TASOR: variants seen among roughly 807,000 people sequenced by gnomAD.
The protein encoded by TASOR is transcription activation suppressor.
A neutral mutation model predicts 178.6 loss-of-function variants in TASOR; 53 were observed. The observed-to-expected ratio is 0.30, with a 90% CI of 0.24 to 0.37. TASOR has a LOEUF of 0.37. TASOR is among the 10% of genes least tolerant of loss of function. The pLI is 1.00. For synonymous variants in TASOR, 713 were observed against 696.2 expected, an observed-to-expected ratio of 1.02 and a Z score of -0.38; for missense variants, 1,815 against 1,971.4, an observed-to-expected ratio of 0.92 and a Z score of 1.50.
At chr3:56,664,395 A>G (rs1437709052) in intron 7 of TASOR, 6 of 152,164 alleles carry the variant, frequency 3.9e-5, no homozygotes, top group African/African-American at 1.4e-4. Flanking sequence ...ACTTATGAAA[A>G]CACTGTAGTG....
intron 17 of TASOR, among the ~76,000 whole-genome samples, chr3:56,635,450 C>A (rs1043132140): frequency 1.3e-5 from 2 of 151,756 alleles, no homozygotes; most frequent in South Asian, 2.1e-4. Context: ...GAAGGATACA[C>A]GAGAAATTGG....
At position 56,645,762 on chromosome 3, in the gene TASOR, A is replaced by G. The variant is rs990025140; in HGVS notation, c.2215+760T>C. ...GGGGTAGAAAAGAGTATGTGTATGC[A>G]TATTTTATTTTCAAATTCAGAAGGT... On this transcript the variant is annotated intron_variant, in intron 14 of 23. Coordinates refer to ENST00000683822, the MANE Select transcript of TASOR (RefSeq NM_001365635.2). 3.3e-5 allele frequency among the ~76,000 whole-genome samples: 5 copies of G among 152,360 alleles called. 1 individual carries two copies. Among genetic ancestry groups the G allele is most frequent in the African/African-American group, 1.2e-4 (5 of 41,580 alleles).
intron 19 of TASOR, among the ~76,000 whole-genome samples, chr3:56,628,286 CTGAG>C (rs2076839842): frequency 6.6e-6 from 1 of 152,196 alleles, no homozygotes; most frequent in Non-Finnish European, 1.5e-5. Flanking sequence ...TCTTGACTAC[CTGAG>C]TGACAGGGAA....
At chr3:56,678,574 C>T (rs2031526748) in intron 1 of TASOR, among the ~76,000 whole-genome samples, 1 of 152,106 alleles carries the variant, frequency 6.6e-6, no homozygotes, top group African/African-American at 2.4e-5. Context: ...ATCAAAAGAA[C>T]ATCTTCATCA....
chr3:56,671,108 A>G (rs2030682700), intron 3 of TASOR, among the ~76,000 whole-genome samples: 1 of 151,788 alleles, frequency 6.6e-6, no homozygotes, highest in South Asian at 2.1e-4. Context: ...TGGGAGGCCG[A>G]GGTGGGTGGA....
At chr3:56,627,342 A>G (rs2076821433) in intron 20 of TASOR, among the ~76,000 whole-genome samples, 197 bp from the exon 21 acceptor site, 1 of 152,238 alleles carries the variant, frequency 6.6e-6, no homozygotes, top group South Asian at 2.1e-4. Context: ...AAAAAAGAAC[A>G]TGTTGATGAC....
At chr3:56,667,193 A>G (rs1296151765) in intron 6 of TASOR, among the ~76,000 whole-genome samples, 1 of 152,208 alleles carries the variant, frequency 6.6e-6, no homozygotes, top group Non-Finnish European at 1.5e-5. Context: ...TCAGTCCCAA[A>G]TGACTTTGGT....
chr3:56,667,975 G>A (rs2030239966), intron 6 of TASOR, among the ~76,000 whole-genome samples: 1 of 152,120 alleles, frequency 6.6e-6, no homozygotes, highest in Non-Finnish European at 1.5e-5. Flanking sequence ...CAAATCAATA[G>A]TATAAAATGT....
chr3:56,623,744 C>A (rs2107522667), intron 23 of TASOR, 178 bp from the exon 24 acceptor site: 2 of 1,549,342 alleles, frequency 1.3e-6, no homozygotes, highest in East Asian at 4.9e-5. Flanking sequence ...ATGTGAATGT[C>A]CAGATAATCC....
At chr3:56,624,168 A>G (rs1305248612) in intron 23 of TASOR, among the ~76,000 whole-genome samples, 1 of 152,188 alleles carries the variant, frequency 6.6e-6, no homozygotes, top group Non-Finnish European at 1.5e-5. Context: ...CCCTTTGCTG[A>G]CAATAGTAAC....
In TASOR at chr3:56,675,114, G is replaced by A. The variant is rs139924364; in HGVS notation, c.332-1389C>T. On this transcript the variant is annotated intron_variant, in intron 1 of 23. Coordinates refer to ENST00000683822, the MANE Select transcript of TASOR (RefSeq NM_001365635.2). The stretch of plus-strand genomic sequence containing the variant: ...TGCTGAGATTCAGGCATGAGCCACC[G>A]TGCCCAGCCAGGACATTTAAGTTTT... 2.9e-3 allele frequency among the ~76,000 whole-genome samples: 433 copies of A among 151,336 alleles called. 6 individuals carry two copies. The highest frequency in any genetic ancestry group is 0.01 in the African/African-American group (417 of 41,240).
chr3:56,627,009 C>A, intron 21 of TASOR, 28 bp downstream of exon 21: 1 of 1,315,066 alleles, frequency 7.6e-7, no homozygotes, highest in Non-Finnish European at 1.1e-6. Flanking sequence ...AATCAACAAC[C>A]ATTATATAGT....
intron 11 of TASOR, among the ~76,000 whole-genome samples, chr3:56,653,517 T>TA (rs559202896): frequency 1.7e-4 from 26 of 149,886 alleles, no homozygotes; most frequent in African/African-American, 6.1e-4. Context: ...ACAATTAGAC[T>TA]GAGAGCTAAC....
intron 3 of TASOR, chr3:56,671,351 A>C (rs957615751): frequency 1.2e-5 from 4 of 323,292 alleles, no homozygotes; most frequent in Non-Finnish European, 2.2e-5. Context: ...AAAAAAATAA[A>C]TAAATAAACA....
At chr3:56,660,614 G>T (rs1306260309) in intron 11 of TASOR, 117 bp downstream of exon 11, 4 of 706,204 alleles carry the variant, frequency 5.7e-6, no homozygotes, top group Middle Eastern at 4.0e-4. Flanking sequence ...AGCAGCAACA[G>T]ACAGACACCT....
rs577098187 is a variant in TASOR, at chr3:56,646,451, C to T, written c.2215+71G>A. ...TTTGACCCTCAGGCTTTAATTTATA[C>T]GCCCCTCTGCTACAAGAAAGAACAG... is the stretch of plus-strand genomic sequence containing the variant. On this transcript the variant is annotated intron_variant, in intron 14 of 23. Coordinates refer to ENST00000683822, the MANE Select transcript of TASOR (RefSeq NM_001365635.2). 2.5e-3 allele frequency: 3,177 copies of T among 1,269,046 alleles called. 7 individuals are homozygous for T. Among genetic ancestry groups the T allele is most frequent in the Middle Eastern group, 7.0e-3 (32 of 4,594 alleles). 78.6% of individuals were successfully genotyped at this position (1,269,046 alleles called of 1,614,324 possible). A position where few individuals can be genotyped will look rare whatever the true frequency, so the allele number is the denominator to read the frequency against.
At chr3:56,643,944 AATTAGTATGGCTTTCTCATC>A (rs1460081955) in intron 14 of TASOR, among the ~76,000 whole-genome samples, 1 of 152,200 alleles carries the variant, frequency 6.6e-6, no homozygotes, top group Non-Finnish European at 1.5e-5. Context: ...GGTTTATTAT[AATTAGTATGGCTTTCTCATC>A]ATTTTAATTA....
intron 11 of TASOR, among the ~76,000 whole-genome samples, chr3:56,653,171 G>A (rs1211179365): frequency 6.8e-6 from 1 of 146,276 alleles, no homozygotes; most frequent in Admixed American, 7.1e-5. Context: ...GCTGAAACAG[G>A]AGAACTGCTT....
chr3:56,679,008 CAAA>C (rs5849163), intron 1 of TASOR, among the ~76,000 whole-genome samples: 69 of 116,764 alleles, frequency 5.9e-4, no homozygotes, highest in Admixed American at 5.1e-4. Flanking sequence ...GCTCTGACTC[CAAA>C]AAAAAAAAAA....
Sources: allele counts gnomAD v4.1 joint callset (sites outside exome capture counted in the v4.1 genomes callset), GRCh38; gene constraint gnomAD v4.1.1; transcripts MANE v1.5; gene names NCBI Gene and HGNC (gene_info 2026-07-23, HGNC 2026-07-21).